CACNA2D3: variants seen among roughly 807,000 people sequenced by gnomAD.
CACNA2D3 encodes the protein calcium voltage-gated channel auxiliary subunit alpha2delta 3.
Under a neutral mutation model 160.6 loss-of-function variants are expected in CACNA2D3, and 60 were observed. That is an observed-to-expected ratio of 0.37 (90% CI 0.30 to 0.46). The LOEUF (loss-of-function observed/expected upper bound fraction) is 0.46. Among genes scored for constraint, CACNA2D3 ranks in the 20% least tolerant of loss-of-function variants. The pLI is 1.00. For missense variants in CACNA2D3, 1,205 were observed against 1,365.0 expected, an observed-to-expected ratio of 0.88 and a Z score of 1.85; for synonymous variants, 558 against 492.9, an observed-to-expected ratio of 1.13 and a Z score of -1.75.
intron 35 of CACNA2D3, among the ~76,000 whole-genome samples, chr3:55,043,482 C>T (rs1335139565): frequency 6.6e-6 from 1 of 151,290 alleles, no homozygotes; most frequent in Non-Finnish European, 1.5e-5. Flanking sequence ...ATGTTTTGCT[C>T]ATTTTAAAAA....
intron 27 of CACNA2D3, among the ~76,000 whole-genome samples, chr3:54,935,410 A>C (rs1701303439): frequency 6.6e-6 from 1 of 152,244 alleles, no homozygotes; most frequent in Non-Finnish European, 1.5e-5. Context: ...TAGTGAGCTC[A>C]TGCGGCTGGT....
chr3:54,363,877 A>C (rs539222341), intron 3 of CACNA2D3, among the ~76,000 whole-genome samples: 1 of 152,168 alleles, frequency 6.6e-6, no homozygotes, highest in Non-Finnish European at 1.5e-5. Context: ...TCCTCTTAGC[A>C]TGCTGGCTTT....
At chr3:54,554,334 T>C (rs574158796) in intron 5 of CACNA2D3, among the ~76,000 whole-genome samples, 8 of 152,308 alleles carry the variant, frequency 5.3e-5, no homozygotes, top group African/African-American at 1.7e-4. Flanking sequence ...GTCAACTTCA[T>C]TGTCTGGCAT....
rs549559638 is a variant in CACNA2D3, at chr3:54,598,208, T to C, written c.963+16331T>C. 2.7e-3 allele frequency among the ~76,000 whole-genome samples: 397 copies of C among 144,934 alleles called. 2 individuals are homozygous for C. The highest frequency in any genetic ancestry group is 6.1e-3 in the Admixed American group (85 of 13,958). ...CTGTAATTCCAGCTACTTAGGAGACTGAGGCAGGAGAATCGCTTGAACCTG... is the reference window on the plus strand; with the variant it reads ...CTGTAATTCCAGCTACTTAGGAGACCGAGGCAGGAGAATCGCTTGAACCTG... On this transcript the variant is annotated intron_variant, in intron 9 of 37. Transcript: ENST00000474759.
chr3:54,453,958 T>C (rs1316177807), intron 4 of CACNA2D3, among the ~76,000 whole-genome samples: 1 of 152,324 alleles, frequency 6.6e-6, no homozygotes, highest in East Asian at 1.9e-4. Flanking sequence ...CCACATGAGC[T>C]GAAATCATGG....
At chr3:54,404,486 C>A (rs1699534690) in intron 4 of CACNA2D3, among the ~76,000 whole-genome samples, 1 of 152,082 alleles carries the variant, frequency 6.6e-6, no homozygotes. Context: ...GGTTTCTCAG[C>A]ATAATAAAGT....
intron 2 of CACNA2D3, among the ~76,000 whole-genome samples, chr3:54,172,475 C>T (rs1185378298): frequency 6.6e-6 from 1 of 152,164 alleles, no homozygotes; most frequent in African/African-American, 2.4e-5. Flanking sequence ...CCTGAATGGC[C>T]CACTACATAT....
At chr3:54,463,417 C>G (rs1700546310) in intron 4 of CACNA2D3, among the ~76,000 whole-genome samples, 1 of 151,780 alleles carries the variant, frequency 6.6e-6, no homozygotes, top group Non-Finnish European at 1.5e-5. Flanking sequence ...GTACAGCAAT[C>G]ACGTAGATTT....
At chr3:54,272,473 C>A (rs1166200853) in intron 2 of CACNA2D3, among the ~76,000 whole-genome samples, 1 of 152,114 alleles carries the variant, frequency 6.6e-6, no homozygotes, top group Non-Finnish European at 1.5e-5. Flanking sequence ...TGGGACCTTA[C>A]TGGCTTCCTA....
chr3:54,924,475 C>T, intron 27 of CACNA2D3: 1 of 660,756 alleles, frequency 1.5e-6, no homozygotes, highest in Non-Finnish European at 2.6e-6. Flanking sequence ...ACTCTTTTGC[C>T]ATACCGTGAA....
chr3:54,936,363 T>C (rs1252063337), intron 27 of CACNA2D3, among the ~76,000 whole-genome samples: 1 of 152,168 alleles, frequency 6.6e-6, no homozygotes, highest in African/African-American at 2.4e-5. Context: ...AAAGCCTTTG[T>C]GTGTGTGCCT....
Position 54,141,084 on chromosome 3 carries a change from TGTGC to T in CACNA2D3, c.204+17492_204+17495del, listed in dbSNP as rs1699920387. On this transcript the variant is annotated intron_variant, in intron 2 of 37. Transcript: ENST00000474759. ...ACCTGTGTGTGTGTGTGTGTGTGTG[TGTGC>T]GCGCGCGCGCGTGTGTGCATGCATG... Among the ~76,000 whole-genome samples, 6 of 112,460 alleles carry T rather than the reference TGTGC, an allele frequency of 5.3e-5. No individual in the cohort carries two copies. In the South Asian group the frequency reaches 1.5e-3, roughly 29 times the overall value. 73.8% of individuals were successfully genotyped at this position (112,460 alleles called of 152,430 possible).
chr3:54,753,264 G>A (rs910486313), intron 12 of CACNA2D3, among the ~76,000 whole-genome samples: 2 of 152,204 alleles, frequency 1.3e-5, no homozygotes, highest in South Asian at 2.1e-4. Flanking sequence ...GACATTTACT[G>A]TGCATCAAAT....
intron 11 of CACNA2D3, among the ~76,000 whole-genome samples, chr3:54,670,108 G>A (rs536177461): frequency 1.4e-4 from 21 of 152,340 alleles, no homozygotes; most frequent in Admixed American, 6.5e-4. Context: ...AAATTCTGCT[G>A]TAGAGTTCAT....
intron 2 of CACNA2D3, among the ~76,000 whole-genome samples, chr3:54,300,301 T>G (rs1169160026): frequency 6.6e-6 from 1 of 152,248 alleles, no homozygotes. Flanking sequence ...TGATGCCCTG[T>G]CACCAGGTGA....
intron 14 of CACNA2D3, among the ~76,000 whole-genome samples, chr3:54,832,491 A>G (rs1048916098): frequency 2.0e-5 from 3 of 152,194 alleles, no homozygotes; most frequent in Admixed American, 1.3e-4. Context: ...GCATTGTTCC[A>G]TTTACCAATA....
rs146143366 is a variant in CACNA2D3, at chr3:54,372,132, A to G, written c.322-14583A>G. 5.1e-3 allele frequency among the ~76,000 whole-genome samples: 784 copies of G among 152,330 alleles called. 5 individuals are homozygous for G. The highest frequency in any genetic ancestry group is 0.016 in the South Asian group (79 of 4,826). The stretch of plus-strand genomic sequence containing the variant: ...TTGGTTTTCTTAGCCAGCGCCTCAG[A>G]GTGAACAAGCCATCAACTCCTTTGG... On this transcript the variant is annotated intron_variant, in intron 3 of 37. Transcript: ENST00000474759.
intron 4 of CACNA2D3, among the ~76,000 whole-genome samples, chr3:54,402,914 G>T (rs1452585169): frequency 6.6e-6 from 1 of 152,102 alleles, no homozygotes; most frequent in Non-Finnish European, 1.5e-5. Context: ...AAGAAGATTG[G>T]AATCATATCA....
At chr3:54,125,040 C>CT (rs1042845347) in intron 2 of CACNA2D3, among the ~76,000 whole-genome samples, 1 of 152,114 alleles carries the variant, frequency 6.6e-6, no homozygotes, top group African/African-American at 2.4e-5. Context: ...GTAGCATTGC[C>CT]TTTATATTTT....
Sources: gnomAD v4.1 joint callset for allele counts (sites outside exome capture counted in the v4.1 genomes callset) on GRCh38, gnomAD v4.1.1 for gene constraint, MANE v1.5 for transcripts, NCBI Gene and HGNC (gene_info 2026-07-23, HGNC 2026-07-21) for gene names.